UNC5A: variants seen among roughly 807,000 people sequenced by gnomAD.
UNC5A encodes the protein unc-5 netrin receptor A, also known as netrin receptor UNC5A.
Under a neutral mutation model 87.4 loss-of-function variants are expected in UNC5A, and 20 were observed. The ratio of observed to expected loss-of-function variants is 0.23; its 90% CI spans 0.16 to 0.33. UNC5A has a LOEUF of 0.33. Among genes scored for constraint, UNC5A ranks in the 10% least tolerant of loss-of-function variants. The pLI, the probability that UNC5A is intolerant of heterozygous loss-of-function variation, is 1.00. For missense variants in UNC5A, 844 were observed against 1,133.4 expected (o/e 0.74, Z 3.67); for synonymous variants, 438 against 482.3 (o/e 0.91, Z 1.20).
Position 176,878,043 on chromosome 5 carries a change from G to A in UNC5A, c.1785G>A (p.Leu595=), listed in dbSNP as rs760959755. Residue 595 remains leucine, a synonymous_variant, in exon 11 of 15, where the codon CTG becomes CTA. Coordinates refer to ENST00000329542, the MANE Select transcript of UNC5A (RefSeq NM_133369.3). ...TGGCTGCCGCCAAGCGCCTCAAGCT[G>A]CTTCTGTTTGCGCCGGTGGCCTGCA... The part of the protein sequence containing the change: ...LSVAAAKRLK[L]LLFAPVACTS... 2.0e-4 allele frequency: 322 copies of A among 1,609,278 alleles called. No homozygotes were observed. The highest frequency in any genetic ancestry group is 2.6e-4 in the Non-Finnish European group (301 of 1,179,966).
At chr5:176,828,755 C>T (rs1449390387) in intron 1 of UNC5A, among the ~76,000 whole-genome samples, 1 of 152,172 alleles carries the variant, frequency 6.6e-6, no homozygotes, top group Non-Finnish European at 1.5e-5. Flanking sequence ...CCTGCTCATG[C>T]TCACTGCTCG....
chr5:176,845,476 C>T (rs763526783), intron 1 of UNC5A, among the ~76,000 whole-genome samples: 15 of 152,256 alleles, frequency 9.9e-5, no homozygotes, highest in Non-Finnish European at 1.9e-4. Context: ...TGAGGCAGGG[C>T]GTTATGCACT....
chr5:176,862,294 G>A (rs1233156300), intron 1 of UNC5A, among the ~76,000 whole-genome samples: 4 of 152,214 alleles, frequency 2.6e-5, no homozygotes, highest in Non-Finnish European at 2.9e-5. Flanking sequence ...TGGACCTCCC[G>A]GGCAGGGGCC....
intron 1 of UNC5A, among the ~76,000 whole-genome samples, chr5:176,835,738 TG>T: frequency 6.7e-6 from 1 of 148,692 alleles, no homozygotes; most frequent in East Asian, 1.9e-4. Context: ...GATGTGTGTG[TG>T]TGTGTGTGTG....
chr5:176,817,695 C>A (rs1181070660), intron 1 of UNC5A, among the ~76,000 whole-genome samples: 1 of 152,000 alleles, frequency 6.6e-6, no homozygotes, highest in East Asian at 1.9e-4. Context: ...TACGCGAGGG[C>A]CCTTAGGCCG....
rs944504810 is a variant in UNC5A, at chr5:176,878,652, G to A, written c.2184+13G>A. ...CAACATCACCAAGGTGGACGGGAGG[G>A]GCTGCCGCACCGCCGTGACGTGCTC... On this transcript the variant is annotated intron_variant, in intron 13 of 14. Transcript: ENST00000329542. 1 of 1,607,296 alleles carries A rather than the reference G, an allele frequency of 6.2e-7. No individual in the cohort carries two copies. Among genetic ancestry groups the A allele is most frequent in the Non-Finnish European group, 8.5e-7 (1 of 1,176,074 alleles).
intron 1 of UNC5A, among the ~76,000 whole-genome samples, chr5:176,812,140 C>G (rs1307955441): frequency 1.3e-5 from 2 of 152,166 alleles, no homozygotes; most frequent in East Asian, 1.9e-4. Context: ...TAATCCTGAC[C>G]AAGCTGAGAG....
rs1231719528 is a variant in UNC5A, at chr5:176,880,071, C to CCA, written c.*186_*187insAC. ...CGAACTCCCACCTCTCCATGGCCTG[C>CCA]CTAGCCAGGCTGGCACTGCCACTCA... On this transcript the variant is annotated 3_prime_UTR_variant, in exon 15 of 15. Transcript: ENST00000329542. 2 of 778,098 alleles carry CCA rather than the reference C, an allele frequency of 2.6e-6. No homozygotes were observed. The highest frequency in any genetic ancestry group is 3.9e-6 in the Non-Finnish European group (2 of 508,166). 48.2% of individuals were successfully genotyped at this position (778,098 alleles called of 1,614,324 possible).
chr5:176,816,951 C>T (rs934984093), intron 1 of UNC5A, among the ~76,000 whole-genome samples: 1 of 152,210 alleles, frequency 6.6e-6, no homozygotes, highest in African/African-American at 2.4e-5. Flanking sequence ...TGTTTCTTGT[C>T]ATGCAAGGGC....
In UNC5A at chr5:176,878,522, C is replaced by T. The variant is rs146460064; in HGVS notation, c.2067C>T (p.His689=). 685 of 1,613,258 alleles carry T rather than the reference C, an allele frequency of 4.2e-4. 1 individual carries two copies. The African/African-American group carries it at 8.2e-3, about 19-fold the overall frequency. Residue 689 remains histidine, a synonymous_variant, in exon 13 of 15, where the codon CAC becomes CAT. Coordinates refer to ENST00000329542, the MANE Select transcript of UNC5A (RefSeq NM_133369.3). The stretch of plus-strand genomic sequence containing the variant: ...GGAATGGCACGCAGCGGTACTTGCA[C>T]TGCACCTTCACCCTGGAGCGTGTCA... ...HIWNGTQRYL[H]CTFTLERVSP...
intron 1 of UNC5A, among the ~76,000 whole-genome samples, chr5:176,852,144 C>T (rs1757559573): frequency 6.6e-6 from 1 of 152,184 alleles, no homozygotes; most frequent in African/African-American, 2.4e-5. Context: ...CTGCCACAGG[C>T]CTTGCCAGGG....
chr5:176,826,394 C>T (rs1447504894), intron 1 of UNC5A, among the ~76,000 whole-genome samples: 1 of 152,210 alleles, frequency 6.6e-6, no homozygotes. Flanking sequence ...TACTTCCACC[C>T]TTCGCAGGCC....
chr5:176,867,996 TA>T, intron 2 of UNC5A, 133 bp from the exon 3 acceptor site: 1 of 660,226 alleles, frequency 1.5e-6, no homozygotes, highest in Non-Finnish European at 2.1e-6. Flanking sequence ...ATAATAATAA[TA>T]AAATTTAAAA....
At chr5:176,852,673 C>T (rs966928729) in intron 1 of UNC5A, among the ~76,000 whole-genome samples, 3 of 152,206 alleles carry the variant, frequency 2.0e-5, no homozygotes, top group Non-Finnish European at 2.9e-5. Flanking sequence ...GGAAGGGGCC[C>T]TTGGTTGGGG....
chr5:176,879,286 C>T (rs768474038), intron 13 of UNC5A, 24 bp from the exon 14 acceptor site: 1 of 1,561,238 alleles, frequency 6.4e-7, no homozygotes, highest in Non-Finnish European at 8.7e-7. Flanking sequence ...TTCTAACAGG[C>T]ACCTCTTTCC....
intron 1 of UNC5A, among the ~76,000 whole-genome samples, chr5:176,857,278 C>T (rs950535641): frequency 7.9e-5 from 12 of 152,336 alleles, no homozygotes; most frequent in Admixed American, 5.9e-4. Context: ...TCCCGGTGCC[C>T]GGAACAGTTC....
At chr5:176,818,874 C>T (rs1424895262) in intron 1 of UNC5A, among the ~76,000 whole-genome samples, 2 of 152,192 alleles carry the variant, frequency 1.3e-5, no homozygotes, top group African/African-American at 4.8e-5. Flanking sequence ...CTGTCCAGGC[C>T]ACCAGACGTT....
In UNC5A at chr5:176,821,718, C is replaced by T. The variant is rs6556286; in HGVS notation, c.70+10898C>T. The stretch of plus-strand genomic sequence containing the variant: ...AGTGATTGGCTGTCCTGAGCCAGGA[C>T]GAGCTGGCCGCATACACCACTGCTC... On this transcript the variant is annotated intron_variant, in intron 1 of 14. Coordinates refer to ENST00000329542, the MANE Select transcript of UNC5A (RefSeq NM_133369.3). 5.7e-3 allele frequency among the ~76,000 whole-genome samples: 873 copies of T among 152,336 alleles called. 9 individuals carry two copies. The highest frequency in any genetic ancestry group is 0.02 in the African/African-American group (817 of 41,562).
At chr5:176,839,670 G>T (rs547709252) in intron 1 of UNC5A, among the ~76,000 whole-genome samples, 1 of 152,240 alleles carries the variant, frequency 6.6e-6, no homozygotes, top group Non-Finnish European at 1.5e-5. Flanking sequence ...CTGAGGATGT[G>T]CAGGGAGTGG....
Sources: gnomAD v4.1 joint callset for allele counts (sites outside exome capture counted in the v4.1 genomes callset) on GRCh38, gnomAD v4.1.1 for gene constraint, MANE v1.5 for transcripts, NCBI Gene and HGNC (gene_info 2026-07-23, HGNC 2026-07-21) for gene names.